Variants in IDO2 observed in about 807,000 individuals in gnomAD.
The protein encoded by IDO2 is indoleamine 2,3-dioxygenase-like 1 protein.
A neutral mutation model predicts 45.1 loss-of-function variants in IDO2; 46 were observed. The observed-to-expected ratio is 1.02, with a 90% CI of 0.80 to 1.30. The LOEUF (loss-of-function observed/expected upper bound fraction) is 1.30. Ranked by LOEUF, IDO2 falls within the 50% of genes most tolerant of loss-of-function variation. The pLI is 0.00. For synonymous variants in IDO2, 218 were observed against 184.9 expected (o/e 1.18, Z -1.45); for missense variants, 544 against 491.8 (o/e 1.11, Z -1.00).
intron 2 of IDO2, among the ~76,000 whole-genome samples, chr8:39,961,992 A>G (rs1372508375): frequency 6.6e-6 from 1 of 152,194 alleles, no homozygotes; most frequent in Non-Finnish European, 1.5e-5. Flanking sequence ...TGCTTACCAT[A>G]TGGTTTATGT....
intron 8 of IDO2, among the ~76,000 whole-genome samples, chr8:39,992,180 G>A (rs753059050): frequency 6.6e-6 from 1 of 152,208 alleles, no homozygotes; most frequent in Non-Finnish European, 1.5e-5. Flanking sequence ...TGTGATGTAC[G>A]TGTTGCCAAT....
At chr8:39,946,573 C>T (rs919487330) in intron 1 of IDO2, among the ~76,000 whole-genome samples, 2 of 152,154 alleles carry the variant, frequency 1.3e-5, no homozygotes, top group South Asian at 2.1e-4. Flanking sequence ...TGCCACTGCA[C>T]TCCAGCCTGG....
chr8:39,962,655 G>T (rs1458617916), intron 2 of IDO2, among the ~76,000 whole-genome samples: 3 of 152,080 alleles, frequency 2.0e-5, no homozygotes, highest in Non-Finnish European at 4.4e-5. Context: ...GCAAAGAGAG[G>T]GGTTTCACCA....
At chr8:40,000,269 G>C (rs1025492026) in intron 8 of IDO2, among the ~76,000 whole-genome samples, 8 of 151,998 alleles carry the variant, frequency 5.3e-5, no homozygotes, top group Non-Finnish European at 1.0e-4. Context: ...AAAACTAGCT[G>C]GGCGTAGTGG....
intron 3 of IDO2, 55 bp downstream of exon 3, chr8:39,963,758 T>C (rs1808036209): frequency 2.9e-6 from 3 of 1,046,762 alleles, no homozygotes; most frequent in African/African-American, 1.6e-5. Context: ...ATACCACTTT[T>C]CTTTCTTAGC....
chr8:39,936,025 G>T (rs1410499741), intron 1 of IDO2, among the ~76,000 whole-genome samples: 3 of 152,168 alleles, frequency 2.0e-5, no homozygotes, highest in Admixed American at 2.0e-4. Flanking sequence ...CAGGGATGGA[G>T]ATATTATTAC....
chr8:40,006,785 C>A (rs2955884), intron 9 of IDO2, among the ~76,000 whole-genome samples: 1 of 151,946 alleles, frequency 6.6e-6, no homozygotes, highest in African/African-American at 2.4e-5. Flanking sequence ...CTCAGCCTCC[C>A]GAGTAGCTGC....
chr8:39,939,737 A>G (rs957999438), intron 1 of IDO2, among the ~76,000 whole-genome samples: 2 of 151,438 alleles, frequency 1.3e-5, no homozygotes, highest in Non-Finnish European at 2.9e-5. Context: ...CAGATGCCTG[A>G]AAAGTTAATC....
intron 3 of IDO2, among the ~76,000 whole-genome samples, chr8:39,977,721 C>G (rs115938172): frequency 1.0e-3 from 154 of 152,294 alleles, no homozygotes; most frequent in African/African-American, 3.6e-3. Context: ...AACATCTCAA[C>G]AGTACTCCCT....
rs981107612 is a variant in IDO2 at position 39,985,621 on chromosome 8, T to C, written c.449+99T>C. 8.6e-6 allele frequency: 8 copies of C among 925,520 alleles called. No individual in the cohort carries two copies. In the African/African-American group the frequency reaches 1.3e-4, roughly 16 times the overall value. 57.3% of individuals were successfully genotyped at this position (925,520 alleles called of 1,614,324 possible). On this transcript the variant is annotated intron_variant, in intron 6 of 10. Coordinates refer to ENST00000502986, the Ensembl canonical transcript of IDO2. ...AAAGCATGCTAAATTATATGTATAA[T>C]ATAATATCAACCATATAAAATGCAT...
At chr8:39,975,886 A>T (rs995349162) in intron 3 of IDO2, among the ~76,000 whole-genome samples, 3 of 152,094 alleles carry the variant, frequency 2.0e-5, no homozygotes, top group African/African-American at 7.3e-5. Context: ...GTAATGATGA[A>T]TGTCAAAGCC....
intron 2 of IDO2, 141 bp from the exon 3 acceptor site, chr8:39,963,467 C>T (rs1299560189): frequency 1.0e-5 from 6 of 601,076 alleles, no homozygotes; most frequent in Non-Finnish European, 1.8e-5. Flanking sequence ...CAGGGCCTAA[C>T]TAGCATATGG....
chr8:39,934,693 G>C, exon 1 of IDO2: 1 of 188,764 alleles, frequency 5.3e-6, no homozygotes, highest in South Asian at 9.8e-5. Context: ...TGGAGCAAGG[G>C]CCCAAGCTTT....
At chr8:40,009,102 C>T (rs1158047153) in intron 9 of IDO2, among the ~76,000 whole-genome samples, 1 of 152,168 alleles carries the variant, frequency 6.6e-6, no homozygotes, top group African/African-American at 2.4e-5. Context: ...GCAACCTCTG[C>T]CTCCCAGGTT....
chr8:40,011,780 A>C (rs1422800491), intron 9 of IDO2, among the ~76,000 whole-genome samples: 1 of 152,276 alleles, frequency 6.6e-6, no homozygotes, highest in Non-Finnish European at 1.5e-5. Context: ...TGAGGCTCAG[A>C]GAGGTTAATG....
chr8:40,003,714 C>T (rs1308475731), intron 8 of IDO2, among the ~76,000 whole-genome samples: 1 of 152,034 alleles, frequency 6.6e-6, no homozygotes, highest in Non-Finnish European at 1.5e-5. Flanking sequence ...AAATTTACAA[C>T]TTTTATTTCT....
rs151068033 is a variant in IDO2, at chr8:39,946,620, T to C, written c.-17-2529T>C. 2.0e-3 allele frequency among the ~76,000 whole-genome samples: 298 copies of C among 151,738 alleles called. 5 individuals are homozygous for C. The highest frequency in any genetic ancestry group is 8.6e-3 in the East Asian group (44 of 5,130). On this transcript the variant is annotated intron_variant, in intron 1 of 10. Transcript: ENST00000502986. ...AGAGACTTCATCTCAAAAAAATAAA[T>C]AGATAAATAACCTCCGCTCCCTGAA...
chr8:39,949,222 T>C (rs779279565), exon 2 of IDO2: 54 of 1,605,760 alleles, frequency 3.4e-5, no homozygotes, highest in Admixed American at 3.1e-4. Context: ...TGGAAAGCTA[T>C]CACATATCTG....
intron 8 of IDO2, among the ~76,000 whole-genome samples, chr8:40,004,969 G>GTAA (rs1456247430): frequency 6.6e-6 from 1 of 152,146 alleles, no homozygotes; most frequent in Non-Finnish European, 1.5e-5. Flanking sequence ...CTTGAGAGAG[G>GTAA]TAATTCTCTC....
Sources: allele counts gnomAD v4.1 joint callset (sites outside exome capture counted in the v4.1 genomes callset), GRCh38; gene constraint gnomAD v4.1.1; transcripts MANE v1.5; gene names NCBI Gene and HGNC (gene_info 2026-07-23, HGNC 2026-07-21).